Variants in AFDN observed in about 807,000 individuals in gnomAD.
The protein encoded by AFDN is afadin.
In AFDN, 68 loss-of-function variants were observed where a neutral mutation model predicts 216.6. The observed-to-expected ratio is 0.31, with a 90% CI of 0.26 to 0.38. AFDN has a LOEUF of 0.38. AFDN is among the 10% of genes least tolerant of loss of function. The probability of loss-of-function intolerance (pLI) is 1.00; values close to 1 mark genes in which losing one functional copy is unlikely to be tolerated. For synonymous variants in AFDN, 868 were observed against 853.7 expected, an observed-to-expected ratio of 1.02 and a Z score of -0.29; for missense variants, 2,136 against 2,342.0, an observed-to-expected ratio of 0.91 and a Z score of 1.82.
chr6:167,913,646 G>T, intron 16 of AFDN: 1 of 546,938 alleles, frequency 1.8e-6, no homozygotes, highest in Non-Finnish European at 3.2e-6. Context: ...AATGACAAAA[G>T]TTCTGTTTCT....
At chr6:167,859,222 C>T (rs1373673775) in intron 1 of AFDN, among the ~76,000 whole-genome samples, 2 of 151,866 alleles carry the variant, frequency 1.3e-5, no homozygotes, top group African/African-American at 4.8e-5. Context: ...TTTCAAAAGC[C>T]CATATTCAAA....
At position 167,943,398 on chromosome 6, in the gene AFDN, C is replaced by T. The variant is rs768530345; in HGVS notation, c.3166-4C>T. 3 of 1,613,836 alleles carry T rather than the reference C, an allele frequency of 1.9e-6. No homozygotes were observed. The highest frequency in any genetic ancestry group is 2.5e-6 in the Non-Finnish European group (3 of 1,179,834). ...TCCATGCACACACCTGTGGATTTGC[C>T]TAGGATGGACGTCTAGCTGCAGGTG... On this transcript the variant is annotated splice_region_variant and splice_polypyrimidine_tract_variant and intron_variant, in intron 24 of 33. Transcript: ENST00000683244.
chr6:167,930,212 C>G (rs1793109686), intron 23 of AFDN, among the ~76,000 whole-genome samples: 1 of 152,016 alleles, frequency 6.6e-6, no homozygotes, highest in South Asian at 2.1e-4. Context: ...CTCATAATAA[C>G]AATAATAAAA....
chr6:167,916,718 G>C (rs1229671822), intron 19 of AFDN, among the ~76,000 whole-genome samples: 1 of 151,740 alleles, frequency 6.6e-6, no homozygotes, highest in Non-Finnish European at 1.5e-5. Context: ...ATTTAGTATA[G>C]AGGCTAGACA....
chr6:167,902,040 C>A (rs1169996849), intron 11 of AFDN, among the ~76,000 whole-genome samples: 3 of 148,776 alleles, frequency 2.0e-5, no homozygotes, highest in East Asian at 2.0e-4. Context: ...TTGCAGTGAG[C>A]CGAAATTGTG....
chr6:167,873,662 T>G (rs574317603), intron 4 of AFDN, among the ~76,000 whole-genome samples: 1 of 152,334 alleles, frequency 6.6e-6, no homozygotes, highest in Non-Finnish European at 1.5e-5. Context: ...AAGACTTCTC[T>G]TTTCCTTACA....
intron 31 of AFDN, chr6:167,963,217 C>T: frequency 9.4e-7 from 1 of 1,065,498 alleles, no homozygotes; most frequent in Non-Finnish European, 1.1e-6. Context: ...AGATGTTTCT[C>T]TCCATATCTC....
At chr6:167,912,198 T>A (rs1459251553) in intron 15 of AFDN, 3 of 152,240 alleles carry the variant, frequency 2.0e-5, no homozygotes, top group African/African-American at 7.2e-5. Context: ...TCTGTCCCGA[T>A]CTACAGTTGA....
intron 1 of AFDN, among the ~76,000 whole-genome samples, chr6:167,836,442 AACAGACACACAAAC>A (rs1022997086): frequency 6.6e-6 from 1 of 152,210 alleles, no homozygotes; most frequent in Non-Finnish European, 1.5e-5. Context: ...TTTCCTGAGA[AACAGACACACAAAC>A]ACAGACAGTA....
intron 18 of AFDN, 75 bp from the exon 19 acceptor site, chr6:167,915,093 A>G (rs1409270630): frequency 3.4e-6 from 5 of 1,492,364 alleles, no homozygotes; most frequent in Non-Finnish European, 4.6e-6. Flanking sequence ...ACCATTATCT[A>G]AATCTGCTGC....
At chr6:167,942,216 A>G (rs920979769) in intron 23 of AFDN, among the ~76,000 whole-genome samples, 1 of 152,234 alleles carries the variant, frequency 6.6e-6, no homozygotes, top group Non-Finnish European at 1.5e-5. Context: ...AGTGAAAATT[A>G]CATAGCTCCA....
rs574955576 is a variant in AFDN at position 167,842,572 on chromosome 6, T to C, written c.105+15335T>C. On this transcript the variant is annotated intron_variant, in intron 1 of 33. Transcript: ENST00000683244. The stretch of plus-strand genomic sequence containing the variant: ...GGGTCACAGTATATACTCTGCAAGA[T>C]GGGTTGATGGAGAGCCTGATTTCGT... Among the ~76,000 whole-genome samples the C allele has an allele frequency of 3.3e-5, 5 of 152,120 alleles. No homozygotes were observed. The East Asian group carries it at 7.7e-4, about 24-fold the overall frequency.
At chr6:167,827,884 C>T (rs1779357240) in intron 1 of AFDN, 1 of 152,228 alleles carries the variant, frequency 6.6e-6, no homozygotes, top group African/African-American at 2.4e-5. Flanking sequence ...GCGCCGGCCC[C>T]AGGCTGGCTC....
At chr6:167,903,517 G>A (rs1360247780) in intron 12 of AFDN, among the ~76,000 whole-genome samples, 2 of 152,176 alleles carry the variant, frequency 1.3e-5, no homozygotes, top group Non-Finnish European at 2.9e-5. Context: ...CCTTTCATTG[G>A]TTGAAGCAAA....
rs1562355292 is a variant in AFDN at position 167,965,878 on chromosome 6, G to A, written c.5090G>A (p.Arg1697Gln). ...APGLCRPPLPRDYEPPSPSPA... is the reference protein window; with the variant it reads ...APGLCRPPLPQDYEPPSPSPA... ...GGTCTGTGCCGCCCTCCGCTTCCCC[G>A]GGACTACGAGCCCCCGTCCCCGTCC... Residue 1697 changes from arginine (R) to glutamine (Q), a missense_variant, in exon 32 of 34, where the codon CGG (arginine) becomes CAG (glutamine). Physicochemically the swap from Arg to Gln is conservative, Grantham distance 43. This residue lies in a region of AFDN where 981 missense variants were observed against 966.0 expected (regional missense o/e 1.02). Transcript: ENST00000683244. The A allele has an allele frequency of 9.7e-6, 15 of 1,548,862 alleles. No homozygotes were observed. In the South Asian group the frequency reaches 1.1e-4, roughly 11 times the overall value.
intron 1 of AFDN, chr6:167,827,930 C>T (rs1184385867): frequency 6.6e-6 from 1 of 152,234 alleles, no homozygotes; most frequent in Non-Finnish European, 1.5e-5. Flanking sequence ...CGCTCCTGGC[C>T]TGGTAACAAT....
In AFDN at chr6:167,971,544, AG is replaced by A. The variant is rs1369142062; in HGVS notation, c.*1610del. ...TAGGAAGGATTTGCTTGCTTGCAGC[AG>A]AAGTTCTAGGAAAAGCAGGCACCTC... On this transcript the variant is annotated 3_prime_UTR_variant, in exon 34 of 34. Coordinates refer to ENST00000683244, the MANE Select transcript of AFDN (RefSeq NM_001386888.1). The A allele has an allele frequency of 1.0e-5, 2 of 195,122 alleles. No homozygotes were observed. Among genetic ancestry groups the A allele is most frequent in the African/African-American group, 4.6e-5 (2 of 43,232 alleles). 12.1% of individuals were successfully genotyped at this position (195,122 alleles called of 1,614,324 possible).
intron 4 of AFDN, among the ~76,000 whole-genome samples, chr6:167,873,346 A>G (rs1159660030): frequency 6.6e-6 from 1 of 152,158 alleles, no homozygotes; most frequent in African/African-American, 2.4e-5. Context: ...TTTTCACTTG[A>G]TATTTTTTCC....
chr6:167,826,797 G>A (rs1374234748), upstream of AFDN: 3 of 151,264 alleles, frequency 2.0e-5, no homozygotes, highest in Admixed American at 6.5e-5. Flanking sequence ...CTAGTGGAGC[G>A]GCCCGGAGGT....
Sources: allele counts gnomAD v4.1 joint callset (sites outside exome capture counted in the v4.1 genomes callset), GRCh38; gene constraint gnomAD v4.1.1; regional missense constraint gnomAD v4.1.1; transcripts MANE v1.5; gene names NCBI Gene and HGNC (gene_info 2026-07-23, HGNC 2026-07-21).